ROBO1: variants seen among roughly 807,000 people sequenced by gnomAD.
ROBO1 encodes the protein roundabout guidance receptor 1, also known as roundabout homolog 1.
A neutral mutation model predicts 195.9 loss-of-function variants in ROBO1; 149 were observed. The observed-to-expected ratio is 0.76, with a 90% CI of 0.67 to 0.87. ROBO1 has a LOEUF of 0.87. Among genes scored for constraint, ROBO1 ranks in the 40% least tolerant of loss-of-function variants. The probability of loss-of-function intolerance (pLI) is 0.00; values close to 1 mark genes in which losing one functional copy is unlikely to be tolerated. For synonymous variants in ROBO1, 816 were observed against 733.2 expected, an observed-to-expected ratio of 1.11 and a Z score of -1.82; for missense variants, 1,933 against 2,068.3, an observed-to-expected ratio of 0.93 and a Z score of 1.27.
At chr3:79,336,471 C>T (rs1398004602) in intron 2 of ROBO1, among the ~76,000 whole-genome samples, 1 of 152,188 alleles carries the variant, frequency 6.6e-6, no homozygotes, top group Non-Finnish European at 1.5e-5. Context: ...GCCTTGGCAG[C>T]TTACACGTGG....
At chr3:79,523,896 G>A (rs1036680801) in intron 2 of ROBO1, among the ~76,000 whole-genome samples, 1 of 152,140 alleles carries the variant, frequency 6.6e-6, no homozygotes, top group Non-Finnish European at 1.5e-5. Flanking sequence ...TAGTAGACAT[G>A]ACTGCCCAGA....
At chr3:78,932,524 T>C (rs1188110426) in intron 4 of ROBO1, among the ~76,000 whole-genome samples, 1 of 152,204 alleles carries the variant, frequency 6.6e-6, no homozygotes, top group African/African-American at 2.4e-5. Flanking sequence ...CACAGTTATA[T>C]TGACAGCAGC....
intron 1 of ROBO1, among the ~76,000 whole-genome samples, chr3:79,730,912 G>C (rs1363529687): frequency 1.3e-5 from 2 of 151,528 alleles, no homozygotes; most frequent in Non-Finnish European, 2.9e-5. Flanking sequence ...CAAGTAGCTG[G>C]GACTACAGGT....
intron 1 of ROBO1, among the ~76,000 whole-genome samples, chr3:79,657,883 A>AG: frequency 6.6e-6 from 1 of 152,132 alleles, no homozygotes; most frequent in South Asian, 2.1e-4. Flanking sequence ...TACCCTACTG[A>AG]TGGACTTAGT....
intron 2 of ROBO1, among the ~76,000 whole-genome samples, chr3:79,473,549 C>T (rs1181147883): frequency 6.6e-6 from 1 of 152,024 alleles, no homozygotes; most frequent in Admixed American, 6.6e-5. Flanking sequence ...CAGCAGGATA[C>T]ATCTTATATT....
At chr3:79,285,560 C>T (rs760653962) in intron 2 of ROBO1, among the ~76,000 whole-genome samples, 6 of 152,154 alleles carry the variant, frequency 3.9e-5, no homozygotes, top group Non-Finnish European at 8.8e-5. Flanking sequence ...AAGTCTTGAT[C>T]ATGGGACCCT....
intron 2 of ROBO1, among the ~76,000 whole-genome samples, chr3:79,394,589 GAC>G: frequency 6.6e-6 from 1 of 151,844 alleles, no homozygotes. Flanking sequence ...ATATGGAAGC[GAC>G]TGTATAGGAA....
chr3:79,636,911 C>T (rs1056471206), intron 1 of ROBO1, among the ~76,000 whole-genome samples: 4 of 152,206 alleles, frequency 2.6e-5, no homozygotes, highest in African/African-American at 9.6e-5. Flanking sequence ...TATGTCCTCA[C>T]TGCTTCTTTG....
intron 2 of ROBO1, among the ~76,000 whole-genome samples, chr3:79,299,844 A>T (rs1388674957): frequency 6.6e-6 from 1 of 151,450 alleles, no homozygotes; most frequent in Non-Finnish European, 1.5e-5. Context: ...CTCAAGAAAC[A>T]CTAAAAAAAA....
intron 2 of ROBO1, among the ~76,000 whole-genome samples, chr3:79,438,319 T>C (rs2038951322): frequency 6.6e-6 from 1 of 151,952 alleles, no homozygotes; most frequent in African/African-American, 2.4e-5. Context: ...TCTACTCCAA[T>C]TTATATTAAC....
At chr3:79,211,469 A>C (rs1352823847) in intron 2 of ROBO1, among the ~76,000 whole-genome samples, 1 of 152,198 alleles carries the variant, frequency 6.6e-6, no homozygotes, top group African/African-American at 2.4e-5. Context: ...AGCTCTCTGC[A>C]TGACCCAGCT....
chr3:78,618,177 A>C, intron 26 of ROBO1, 136 bp from the exon 27 acceptor site: 1 of 862,646 alleles, frequency 1.2e-6, no homozygotes, highest in Non-Finnish European at 1.7e-6. Flanking sequence ...AAAACAACTG[A>C]ATATCACAAT....
intron 2 of ROBO1, among the ~76,000 whole-genome samples, chr3:79,239,086 T>C (rs764130872): frequency 3.9e-5 from 6 of 152,166 alleles, no homozygotes; most frequent in Admixed American, 6.6e-5. Context: ...CACTCTCTCC[T>C]TAGTACTATA....
At chr3:78,998,682 A>T (rs1233580874) in intron 3 of ROBO1, among the ~76,000 whole-genome samples, 1 of 151,954 alleles carries the variant, frequency 6.6e-6, no homozygotes, top group African/African-American at 2.4e-5. Context: ...TATCAGTTCT[A>T]TCTGTTCATT....
chr3:78,886,939 G>A (rs558233381), intron 4 of ROBO1, among the ~76,000 whole-genome samples: 2 of 152,030 alleles, frequency 1.3e-5, no homozygotes, highest in Non-Finnish European at 2.9e-5. Flanking sequence ...CTGCATACTA[G>A]TTACATAAAT....
intron 2 of ROBO1, among the ~76,000 whole-genome samples, chr3:79,580,815 C>T (rs537432818): frequency 2.4e-4 from 37 of 152,192 alleles, no homozygotes; most frequent in Non-Finnish European, 4.9e-4. Flanking sequence ...AGTTACAATA[C>T]GTTTTTATAT....
intron 1 of ROBO1, among the ~76,000 whole-genome samples, chr3:79,634,380 C>T (rs1945435406): frequency 6.6e-6 from 1 of 152,130 alleles, no homozygotes; most frequent in Non-Finnish European, 1.5e-5. Context: ...CATCCAGAAT[C>T]AGAAAACAAT....
At chr3:78,677,141 C>T (rs555906413) in intron 10 of ROBO1, among the ~76,000 whole-genome samples, 1 of 152,112 alleles carries the variant, frequency 6.6e-6, no homozygotes, top group African/African-American at 2.4e-5. Context: ...TTTGTCACCA[C>T]CAGGCCTGCC....
At chr3:79,325,380 CTG>C (rs2034159891) in intron 2 of ROBO1, among the ~76,000 whole-genome samples, 1 of 152,134 alleles carries the variant, frequency 6.6e-6, no homozygotes, top group Admixed American at 6.5e-5. Flanking sequence ...TCAGTACACT[CTG>C]AGGAAAGTAT....
Sources: gnomAD v4.1 joint callset for allele counts (sites outside exome capture counted in the v4.1 genomes callset) on GRCh38, gnomAD v4.1.1 for gene constraint, MANE v1.5 for transcripts, NCBI Gene and HGNC (gene_info 2026-07-23, HGNC 2026-07-21) for gene names.